The following CDH10 variants were observed in gnomAD, a reference collection of about 807,000 sequenced individuals.
CDH10 encodes the protein cadherin 10, also known as cadherin-10.
In CDH10, 30 loss-of-function variants were observed where a neutral mutation model predicts 73.1. The observed-to-expected ratio is 0.41, with a 90% CI of 0.31 to 0.56. The LOEUF (loss-of-function observed/expected upper bound fraction) is 0.56, where lower values mean the gene tolerates loss of function less well. CDH10 is among the 20% of genes least tolerant of loss of function. The pLI is 0.27. For missense variants in CDH10, 815 were observed against 973.7 expected (o/e 0.84, Z 2.17); for synonymous variants, 345 against 348.2 (o/e 0.99, Z 0.10).
At chr5:24,637,986 C>A (rs992452099) in intron 1 of CDH10, among the ~76,000 whole-genome samples, 1 of 151,762 alleles carries the variant, frequency 6.6e-6, no homozygotes. Flanking sequence ...TGATTAATTT[C>A]ATTGCTCTTA....
chr5:24,563,775 C>CAAA lies in CDH10; in HGVS notation c.232-26104_232-26102dup, dbSNP rs56666966. Reference sequence around the variant, plus strand: ...CAGAGCGAGACTCCGCCCCCTCCACCAAAAAAAAAAAAAAAAAAAAAAAAG... The same window carrying CAAA: ...CAGAGCGAGACTCCGCCCCCTCCACCAAAAAAAAAAAAAAAAAAAAAAAAAAAG... On this transcript the variant is annotated intron_variant, in intron 2 of 11. Coordinates refer to ENST00000264463, the MANE Select transcript of CDH10 (RefSeq NM_006727.5). Among the ~76,000 whole-genome samples, 587 of 128,680 alleles carry CAAA rather than the reference C, an allele frequency of 4.6e-3. 3 individuals carry two copies. The highest frequency in any genetic ancestry group is 0.016 in the African/African-American group (552 of 33,856). 84.4% of individuals were successfully genotyped at this position (128,680 alleles called of 152,430 possible).
intron 1 of CDH10, among the ~76,000 whole-genome samples, chr5:24,603,265 A>T (rs879812282): frequency 1.3e-5 from 2 of 152,308 alleles, no homozygotes; most frequent in Non-Finnish European, 2.9e-5. Context: ...GTCTAACACA[A>T]TCCAAACAGG....
chr5:24,574,038 C>G (rs896321217), intron 2 of CDH10, among the ~76,000 whole-genome samples: 1 of 151,588 alleles, frequency 6.6e-6, no homozygotes, highest in African/African-American at 2.4e-5. Flanking sequence ...GCGCCTGCCA[C>G]CACACCCGGC....
chr5:24,623,269 C>T (rs532787836), intron 1 of CDH10, among the ~76,000 whole-genome samples: 3 of 152,266 alleles, frequency 2.0e-5, no homozygotes, highest in Non-Finnish European at 4.4e-5. Flanking sequence ...CAGTCTTGAA[C>T]AGCTGGAGAG....
intron 1 of CDH10, among the ~76,000 whole-genome samples, chr5:24,618,208 C>T (rs919769137): frequency 6.6e-6 from 1 of 152,142 alleles, no homozygotes; most frequent in African/African-American, 2.4e-5. Context: ...GATGTAAAAT[C>T]ATTTAACATG....
chr5:24,489,077 C>T (rs1215923152), intron 11 of CDH10, among the ~76,000 whole-genome samples: 1 of 151,890 alleles, frequency 6.6e-6, no homozygotes, highest in African/African-American at 2.4e-5. Flanking sequence ...TGATCCTCAA[C>T]CTTTAAAAGG....
chr5:24,539,208 G>T (rs1042517332), intron 2 of CDH10, among the ~76,000 whole-genome samples: 1 of 151,818 alleles, frequency 6.6e-6, no homozygotes. Flanking sequence ...ATAGAGTTAC[G>T]TATTTACCTA....
At position 24,535,217 on chromosome 5, in the gene CDH10, T is replaced by G. The variant is rs1395298940; in HGVS notation, c.709A>C (p.Ile237Leu). The G allele has an allele frequency of 6.2e-7, 1 of 1,613,420 alleles. No individual in the cohort carries two copies. The highest frequency in any genetic ancestry group is 1.3e-5 in the African/African-American group (1 of 74,852). The change falls in exon 5 of 12, where the codon ATC becomes CTC. Residue 237 changes from isoleucine to leucine, a missense_variant. Coordinates refer to ENST00000264463, the MANE Select transcript of CDH10 (RefSeq NM_006727.5). ...TGGCCGCCCATGTCTTTGGCCTGGA[T>G]GACCACTTGGTATTGCTCTCTGTTT... Reference protein sequence around the residue: ...RENREQYQVVIQAKDMGGQMG... With the variant: ...RENREQYQVVLQAKDMGGQMG...
chr5:24,560,525 G>A (rs989242010), intron 2 of CDH10, among the ~76,000 whole-genome samples: 9 of 151,774 alleles, frequency 5.9e-5, no homozygotes, highest in Middle Eastern at 3.4e-3. Context: ...ATAATGCTGG[G>A]CATTTGAATA....
At chr5:24,519,267 T>C (rs1743224663) in intron 5 of CDH10, among the ~76,000 whole-genome samples, 1 of 152,112 alleles carries the variant, frequency 6.6e-6, no homozygotes, top group Non-Finnish European at 1.5e-5. Flanking sequence ...ATTTATAAAA[T>C]AATTTTAGCA....
chr5:24,494,799 T>C (rs1051759085), intron 9 of CDH10, among the ~76,000 whole-genome samples: 1 of 152,128 alleles, frequency 6.6e-6, no homozygotes, highest in African/African-American at 2.4e-5. Flanking sequence ...TTATACATTT[T>C]GAATATCATA....
chr5:24,620,826 CACAA>C (rs1280416094), intron 1 of CDH10, among the ~76,000 whole-genome samples: 1 of 152,048 alleles, frequency 6.6e-6, no homozygotes, highest in African/African-American at 2.4e-5. Context: ...ACAGAAGAGG[CACAA>C]ACAAAATAAA....
chr5:24,512,985 G>T (rs1395028), intron 5 of CDH10, among the ~76,000 whole-genome samples: 73,567 of 150,822 alleles, frequency 0.49, 18,022 homozygotes, highest in East Asian at 0.58. Flanking sequence ...ATTTCTTCTT[G>T]CTTTCTCTCT....
At chr5:24,593,643 T>C (rs1746276954) in intron 1 of CDH10, 30 bp from the exon 2 acceptor site, 4 of 567,644 alleles carry the variant, frequency 7.0e-6, no homozygotes, top group Non-Finnish European at 1.2e-5. Flanking sequence ...CAAAAAAAGT[T>C]AGTTGACAAC....
intron 1 of CDH10, among the ~76,000 whole-genome samples, chr5:24,605,617 G>A (rs1579464251): frequency 6.6e-6 from 1 of 152,150 alleles, no homozygotes; most frequent in Non-Finnish European, 1.5e-5. Flanking sequence ...CTTGCTGGTG[G>A]GAATGCAAAA....
intron 1 of CDH10, among the ~76,000 whole-genome samples, chr5:24,627,356 A>G (rs1244716805): frequency 6.6e-6 from 1 of 152,108 alleles, no homozygotes; most frequent in East Asian, 1.9e-4. Flanking sequence ...ATCCTACTTA[A>G]TTTTAGGGCA....
At chr5:24,538,928 C>A (rs542127244) in intron 2 of CDH10, among the ~76,000 whole-genome samples, 1 of 152,166 alleles carries the variant, frequency 6.6e-6, no homozygotes, top group East Asian at 1.9e-4. Flanking sequence ...TACCAATAAA[C>A]ATTTTTACAT....
At chr5:24,578,046 A>T (rs1482454380) in intron 2 of CDH10, among the ~76,000 whole-genome samples, 1 of 152,066 alleles carries the variant, frequency 6.6e-6, no homozygotes, top group Non-Finnish European at 1.5e-5. Context: ...TACCTGCCTC[A>T]CCCCACCACA....
rs768194920 is a variant in CDH10, at chr5:24,487,971, G to A, written c.2059C>T (p.Arg687Trp). Residue 687 changes from arginine to tryptophan, a missense_variant, in exon 12 of 12, where the codon CGG (arginine) becomes TGG (tryptophan). Physicochemically the swap from Arg to Trp is moderately radical, Grantham distance 101 (BLOSUM62 -3). Coordinates refer to ENST00000264463, the MANE Select transcript of CDH10 (RefSeq NM_006727.5). ...AACGTTTCTGGAATAATATCTCGCC[G>A]GAGCTTTTTTTCCTCAATGGCTGCA... ...NPAAIEEKKL[R>W]RDIIPETLFI... The A allele has an allele frequency of 5.0e-6, 8 of 1,613,782 alleles. No individual in the cohort carries two copies. The highest frequency in any genetic ancestry group is 2.2e-5 in the South Asian group (2 of 91,062).
Sources: gnomAD v4.1 joint callset for allele counts (sites outside exome capture counted in the v4.1 genomes callset) on GRCh38, gnomAD v4.1.1 for gene constraint, MANE v1.5 for transcripts, NCBI Gene and HGNC (gene_info 2026-07-23, HGNC 2026-07-21) for gene names.